The following ACSM3 variants were observed in gnomAD, a reference collection of about 807,000 sequenced individuals.
ACSM3 encodes the protein acyl-CoA synthetase medium chain family member 3, also known as acyl-coenzyme A synthetase ACSM3, mitochondrial.
Under a neutral mutation model 74.1 loss-of-function variants are expected in ACSM3, and 61 were observed. The ratio of observed to expected loss-of-function variants is 0.82; its 90% CI spans 0.67 to 1.02. The LOEUF (loss-of-function observed/expected upper bound fraction) is 1.02, where lower values mean the gene tolerates loss of function less well. Among genes scored for constraint, ACSM3 ranks in the 50% least tolerant of loss-of-function variants. ACSM3 has a pLI of 0.00. For missense variants in ACSM3, 660 were observed against 697.0 expected (o/e 0.95, Z 0.60); for synonymous variants, 213 against 241.5 (o/e 0.88, Z 1.09).
upstream of ACSM3, among the ~76,000 whole-genome samples, chr16:20,763,460 T>C (rs1387236254): frequency 6.6e-6 from 1 of 152,176 alleles, no homozygotes; most frequent in Non-Finnish European, 1.5e-5. Context: ...GGCCGGTGGC[T>C]GTGCAGAGTG....
At chr16:20,738,032 G>A (rs2079885882) in intron 1 of ACSM3, 3 of 1,332,728 alleles carry the variant, frequency 2.3e-6, no homozygotes, top group Admixed American at 4.4e-5. Context: ...AATTTTCACT[G>A]GCAATGACAT....
chr16:20,691,751 ATGTGTGTG>A (rs59929923), intron 1 of ACSM3, among the ~76,000 whole-genome samples: 8,830 of 134,024 alleles, frequency 0.066, 305 homozygotes, highest in Middle Eastern at 0.14. Context: ...TACCTCTCCA[ATGTGTGTG>A]TGTGTGTGTG....
intron 1 of ACSM3, chr16:20,682,458 T>C (rs756199175): frequency 1.2e-6 from 2 of 1,613,154 alleles, no homozygotes; most frequent in South Asian, 1.1e-5. Flanking sequence ...GGAATGAAGA[T>C]GATCCCTGGG....
intron 1 of ACSM3, among the ~76,000 whole-genome samples, chr16:20,745,347 A>G (rs939384867): frequency 5.3e-5 from 8 of 152,238 alleles, no homozygotes; most frequent in African/African-American, 1.7e-4. Context: ...GCACTTTGGG[A>G]GGCCAAGGAG....
intron 1 of ACSM3, among the ~76,000 whole-genome samples, chr16:20,723,202 A>C (rs1408629941): frequency 6.6e-6 from 1 of 152,172 alleles, no homozygotes; most frequent in Non-Finnish European, 1.5e-5. Context: ...GTCCCTACAA[A>C]GGACATGAAC....
intron 7 of ACSM3, 94 bp downstream of exon 7, chr16:20,781,881 GC>G: frequency 1.1e-6 from 1 of 922,864 alleles, no homozygotes; most frequent in Non-Finnish European, 1.7e-6. Flanking sequence ...ATAGCTCCAA[GC>G]CAGTAGACAC....
chr16:20,731,192 TAC>T (rs1246103535), intron 1 of ACSM3, among the ~76,000 whole-genome samples: 4 of 152,200 alleles, frequency 2.6e-5, no homozygotes, highest in Admixed American at 2.0e-4. Flanking sequence ...TCTCCCAGGA[TAC>T]ACAGTCCTTC....
rs2080580086 is a variant in ACSM3 at position 20,790,762 on chromosome 16, A to G, written c.1326+74A>G. ...TTGGTAACAATCCCTGTTTGCCACA[A>G]AACATACCTAGGATAGGTACTTGAC... is the stretch of plus-strand genomic sequence containing the variant. On this transcript the variant is annotated intron_variant, in intron 10 of 13. Coordinates refer to ENST00000289416, the MANE Select transcript of ACSM3 (RefSeq NM_005622.4). The surrounding 1 kb of genome is among the most constrained non-coding windows in gnomAD (Gnocchi z 4.0). 1 of 1,613,402 alleles carries G rather than the reference A, an allele frequency of 6.2e-7. No individual in the cohort carries two copies. The highest frequency in any genetic ancestry group is 8.5e-7 in the Non-Finnish European group (1 of 1,179,558).
At position 20,777,386 on chromosome 16, in the gene ACSM3, T is replaced by A; in HGVS notation, c.444T>A (p.Ile148=). 1 of 1,613,844 alleles carries A rather than the reference T, an allele frequency of 6.2e-7. No homozygotes were observed. Among genetic ancestry groups the A allele is most frequent in the Non-Finnish European group, 8.5e-7 (1 of 1,179,840 alleles). The part of the protein sequence containing the change: ...VACLRTGTVL[I]PGTTQLTQKD... ...CTGCCCCTTTAGGGACAGTTTTAAT[T>A]CCAGGAACCACTCAGCTGACCCAGA... The change falls in exon 4 of 14, where the codon ATT becomes ATA. Residue 148 remains isoleucine (I), a synonymous_variant. Coordinates refer to ENST00000289416, the MANE Select transcript of ACSM3 (RefSeq NM_005622.4).
intron 1 of ACSM3, chr16:20,682,491 T>C (rs1354057352): frequency 6.3e-7 from 1 of 1,594,890 alleles, no homozygotes. Context: ...ACTGATTGTT[T>C]TGGTTTCTTT....
intron 1 of ACSM3, chr16:20,718,345 TG>T: frequency 1.1e-6 from 1 of 901,326 alleles, no homozygotes. Context: ...ATCCATATTT[TG>T]CAGATCCGCC....
In ACSM3 at chr16:20,790,469, T is replaced by C. The variant is rs1478737923; in HGVS notation, c.1225-118T>C. Reference sequence around the variant, plus strand: ...GAGACCTTGTCTCACACACACAAAATTTTTTTTAAGTCTTCATTTTTAAAT... The same window carrying C: ...GAGACCTTGTCTCACACACACAAAACTTTTTTTAAGTCTTCATTTTTAAAT... On this transcript the variant is annotated intron_variant, in intron 9 of 13. Transcript: ENST00000289416. The surrounding 1 kb of genome is among the most constrained non-coding windows in gnomAD (Gnocchi z 4.0). 3.1e-6 allele frequency: 3 copies of C among 962,494 alleles called. No individual in the cohort carries two copies. The highest frequency in any genetic ancestry group is 4.7e-6 in the Non-Finnish European group (3 of 641,980). 59.6% of individuals were successfully genotyped at this position (962,494 alleles called of 1,614,324 possible).
upstream of ACSM3, chr16:20,763,964 A>C (rs1012169751): frequency 3.9e-5 from 6 of 152,220 alleles, no homozygotes; most frequent in Non-Finnish European, 5.9e-5. Context: ...AATCAAGGAA[A>C]GTGTTTTGGG....
intron 1 of ACSM3, chr16:20,685,296 G>A (rs150200803): frequency 6.3e-5 from 101 of 1,614,074 alleles, no homozygotes; most frequent in Middle Eastern, 1.6e-4. Context: ...GTGTGAAGAC[G>A]TTGGCTACAC....
At chr16:20,735,734 A>G (rs996056064) in intron 1 of ACSM3, 1 of 152,212 alleles carries the variant, frequency 6.6e-6, no homozygotes, top group African/African-American at 2.4e-5. Context: ...AGCATGACAA[A>G]TATTAGTGAA....
intron 1 of ACSM3, among the ~76,000 whole-genome samples, chr16:20,714,960 T>C (rs962726822): frequency 6.6e-6 from 1 of 151,952 alleles, no homozygotes; most frequent in African/African-American, 2.4e-5. Context: ...TGTGATGTCT[T>C]TTCTTTTAGA....
intron 1 of ACSM3, among the ~76,000 whole-genome samples, chr16:20,704,117 G>A (rs1395283258): frequency 6.6e-6 from 1 of 152,084 alleles, no homozygotes; most frequent in Non-Finnish European, 1.5e-5. Context: ...TATTAATGCT[G>A]CAAGCTTGAT....
At chr16:20,737,990 C>T in intron 1 of ACSM3, 3 of 1,556,778 alleles carry the variant, frequency 1.9e-6, no homozygotes, top group Non-Finnish European at 2.6e-6. Flanking sequence ...AAGATAATTT[C>T]TCAGACATCT....
chr16:20,717,423 G>C (rs575666910), intron 1 of ACSM3, among the ~76,000 whole-genome samples: 72 of 152,182 alleles, frequency 4.7e-4, no homozygotes, highest in Non-Finnish European at 9.0e-4. Flanking sequence ...TCAGTGAAAG[G>C]AAGAAGAAGA....
Sources: allele counts gnomAD v4.1 joint callset (sites outside exome capture counted in the v4.1 genomes callset), GRCh38; gene constraint gnomAD v4.1.1; non-coding constraint Gnocchi (gnomAD v3.1); transcripts MANE v1.5; gene names NCBI Gene and HGNC (gene_info 2026-07-23, HGNC 2026-07-21).